SNX7: variants seen among roughly 807,000 people sequenced by gnomAD.
SNX7 encodes sorting nexin 7, also known as sorting nexin-7.
SNX7 carries 35 observed loss-of-function variants against 48.4 expected under a neutral mutation model. The ratio of observed to expected loss-of-function variants is 0.72; its 90% CI spans 0.55 to 0.96. The LOEUF (loss-of-function observed/expected upper bound fraction) is 0.96. Ranked by LOEUF, SNX7 falls within the 40% of genes least tolerant of loss-of-function variation. SNX7 has a pLI of 0.00. For missense variants in SNX7, 553 were observed against 548.9 expected (o/e 1.01, Z -0.07); for synonymous variants, 190 against 190.2 (o/e 1.00, Z 0.01).
intron 8 of SNX7, among the ~76,000 whole-genome samples, chr1:98,751,171 A>C (rs903758243): frequency 6.6e-6 from 1 of 152,032 alleles, no homozygotes; most frequent in African/African-American, 2.4e-5. Flanking sequence ...CTTCCATTGA[A>C]AGCTGTATCG....
At chr1:98,689,757 T>C (rs1237066660) in intron 2 of SNX7, among the ~76,000 whole-genome samples, 1 of 152,226 alleles carries the variant, frequency 6.6e-6, no homozygotes. Flanking sequence ...TATGTATGTG[T>C]GCATGCATCT....
chr1:98,740,324 T>C (rs906263086), intron 8 of SNX7, among the ~76,000 whole-genome samples: 2 of 152,170 alleles, frequency 1.3e-5, no homozygotes, highest in Non-Finnish European at 2.9e-5. Flanking sequence ...TAGTAGAACT[T>C]GTCTACGCTT....
intron 8 of SNX7, among the ~76,000 whole-genome samples, chr1:98,746,535 T>C (rs1268383202): frequency 1.3e-5 from 2 of 152,080 alleles, no homozygotes; most frequent in African/African-American, 4.8e-5. Flanking sequence ...ATGGAGTAAT[T>C]GTCTGAAATG....
At chr1:98,695,450 T>A (rs1432806798) in intron 4 of SNX7, 68 bp from the exon 5 acceptor site, 1 of 1,448,760 alleles carries the variant, frequency 6.9e-7, no homozygotes, top group African/African-American at 1.4e-5. Flanking sequence ...TAATTAGGTT[T>A]ATTTTTGTAT....
chr1:98,752,900 C>T (rs1654656920), intron 8 of SNX7, among the ~76,000 whole-genome samples: 1 of 152,060 alleles, frequency 6.6e-6, no homozygotes, highest in Admixed American at 6.6e-5. Flanking sequence ...ACTTCTCCTT[C>T]CAAAATCATC....
At position 98,738,403 on chromosome 1, in the gene SNX7, T is replaced by G. The variant is rs970204684; in HGVS notation, c.1278+14T>G. The G allele has an allele frequency of 2.9e-5, 46 of 1,609,832 alleles. No individual in the cohort carries two copies. Among genetic ancestry groups the G allele is most frequent in the Non-Finnish European group, 3.8e-5 (45 of 1,177,308 alleles). ...TATTATGAACAGGTAATTAGTGTTG[T>G]TTGATATTGCTTCATTTTAAAGTTA... On this transcript the variant is annotated intron_variant, in intron 8 of 8. Coordinates refer to ENST00000306121, the MANE Select transcript of SNX7 (RefSeq NM_015976.5).
At chr1:98,753,716 A>G (rs1570615624) in intron 8 of SNX7, among the ~76,000 whole-genome samples, 1 of 152,122 alleles carries the variant, frequency 6.6e-6, no homozygotes, top group South Asian at 2.1e-4. Flanking sequence ...AGAGCGGTCT[A>G]GTAGAAAGAT....
At chr1:98,665,957 G>GTA (rs1319295836) in intron 1 of SNX7, among the ~76,000 whole-genome samples, 2 of 152,008 alleles carry the variant, frequency 1.3e-5, no homozygotes, top group African/African-American at 2.4e-5. Flanking sequence ...ATCTTTATAT[G>GTA]TATATATATA....
chr1:98,759,897 A>G (rs991756368), intron 8 of SNX7, among the ~76,000 whole-genome samples, 157 bp from the exon 9 acceptor site: 1 of 152,080 alleles, frequency 6.6e-6, no homozygotes, highest in Non-Finnish European at 1.5e-5. Context: ...CTCATTAAGA[A>G]TTAAAATATG....
intron 8 of SNX7, among the ~76,000 whole-genome samples, chr1:98,749,915 A>G (rs1570610174): frequency 6.6e-6 from 1 of 152,068 alleles, no homozygotes; most frequent in East Asian, 1.9e-4. Context: ...GACAATGTTA[A>G]AATACTTAGA....
intron 1 of SNX7, among the ~76,000 whole-genome samples, chr1:98,678,982 T>G (rs2100928190): frequency 6.6e-6 from 1 of 152,324 alleles, no homozygotes; most frequent in East Asian, 1.9e-4. Context: ...GCTGGCACAG[T>G]GGCTCACACC....
intron 1 of SNX7, among the ~76,000 whole-genome samples, chr1:98,676,643 T>G (rs1204000192): frequency 6.6e-6 from 1 of 152,218 alleles, no homozygotes. Context: ...TATCGATGCT[T>G]CAAAAGCATT....
chr1:98,693,742 T>C (rs1651273876), intron 4 of SNX7, among the ~76,000 whole-genome samples: 1 of 152,220 alleles, frequency 6.6e-6, no homozygotes, highest in African/African-American at 2.4e-5. Context: ...TTCTGCAAGA[T>C]ATTCAGGAAT....
intron 5 of SNX7, among the ~76,000 whole-genome samples, chr1:98,698,097 A>C (rs890718252): frequency 2.6e-5 from 4 of 152,154 alleles, no homozygotes; most frequent in Non-Finnish European, 4.4e-5. Flanking sequence ...ATGTTTCTAT[A>C]CTCTGATAAA....
intron 7 of SNX7, among the ~76,000 whole-genome samples, chr1:98,712,122 C>T (rs1652346493): frequency 6.6e-6 from 1 of 152,308 alleles, no homozygotes; most frequent in South Asian, 2.1e-4. Flanking sequence ...ACTTCCTCCA[C>T]TGAAGTCTTG....
chr1:98,726,611 A>C (rs1653184631), intron 7 of SNX7, among the ~76,000 whole-genome samples: 1 of 152,234 alleles, frequency 6.6e-6, no homozygotes, highest in South Asian at 2.1e-4. Flanking sequence ...TATTTAGTCC[A>C]GTAAGGAATA....
chr1:98,736,823 A>G (rs909849527), intron 7 of SNX7, among the ~76,000 whole-genome samples: 1 of 152,218 alleles, frequency 6.6e-6, no homozygotes, highest in African/African-American at 2.4e-5. Flanking sequence ...TATTGGTTCT[A>G]AGACATTTTT....
chr1:98,674,138 A>G, intron 1 of SNX7, among the ~76,000 whole-genome samples: 1 of 152,214 alleles, frequency 6.6e-6, no homozygotes, highest in East Asian at 1.9e-4. Flanking sequence ...AAAAGAATGG[A>G]GCAAAGTTGA....
intron 3 of SNX7, 131 bp downstream of exon 3, chr1:98,691,316 C>T: frequency 1.7e-6 from 1 of 581,102 alleles, no homozygotes. Flanking sequence ...ATATTTATTT[C>T]TAAGTGTTTC....
Sources: gnomAD v4.1 joint callset for allele counts (sites outside exome capture counted in the v4.1 genomes callset) on GRCh38, gnomAD v4.1.1 for gene constraint, MANE v1.5 for transcripts, NCBI Gene and HGNC (gene_info 2026-07-23, HGNC 2026-07-21) for gene names.